GAB4: variants seen among roughly 807,000 people sequenced by gnomAD.
The protein encoded by GAB4 is GRB2 associated binding protein family member 4.
A neutral mutation model predicts 51.3 loss-of-function variants in GAB4; 26 were observed. The ratio of observed to expected loss-of-function variants is 0.51; its 90% CI spans 0.37 to 0.70. The LOEUF (loss-of-function observed/expected upper bound fraction) is 0.70. Ranked by LOEUF, GAB4 falls within the 30% of genes least tolerant of loss-of-function variation. GAB4 has a pLI of 0.00. For synonymous variants in GAB4, 329 were observed against 291.2 expected (o/e 1.13, Z -1.32); for missense variants, 759 against 734.6 (o/e 1.03, Z -0.38).
At chr22:16,966,521 C>T (rs867730134) in intron 5 of GAB4, 157 bp from the exon 6 acceptor site, 65 of 743,772 alleles carry the variant, frequency 8.7e-5, no homozygotes, top group African/African-American at 2.6e-4. Flanking sequence ...CAGCCACCTG[C>T]GGCCCAGATA....
At chr22:16,982,212 T>A (rs999584373) in intron 3 of GAB4, among the ~76,000 whole-genome samples, 2 of 152,098 alleles carry the variant, frequency 1.3e-5, no homozygotes, top group African/African-American at 4.8e-5. Context: ...AGAAAGGGCA[T>A]CCAAATTGAA....
intron 1 of GAB4, among the ~76,000 whole-genome samples, chr22:16,998,575 G>C (rs550687092): frequency 6.6e-6 from 1 of 152,102 alleles, no homozygotes; most frequent in Non-Finnish European, 1.5e-5. Context: ...TAAATATACA[G>C]TTATGTCATC....
At position 17,008,199 on chromosome 22, in the gene GAB4, C is replaced by T. The variant is rs558004690; in HGVS notation, c.-85G>A. Reference sequence around the variant, plus strand: ...GGGGTGTGAGGGACGGCTTGCGATACCCTGGGACTGCGGGGTAGAAAGCGC... The same window carrying T: ...GGGGTGTGAGGGACGGCTTGCGATATCCTGGGACTGCGGGGTAGAAAGCGC... On this transcript the variant is annotated 5_prime_UTR_variant, in exon 1 of 10. Coordinates refer to ENST00000400588, the MANE Select transcript of GAB4 (RefSeq NM_001037814.1). The T allele has an allele frequency of 8.7e-5, 84 of 961,938 alleles. 1 individual carries two copies. In the South Asian group the frequency reaches 1.2e-3, roughly 14 times the overall value. 59.6% of individuals were successfully genotyped at this position (961,938 alleles called of 1,614,324 possible).
chr22:16,983,335 C>T (rs1048894532), intron 3 of GAB4, among the ~76,000 whole-genome samples: 5 of 152,188 alleles, frequency 3.3e-5, no homozygotes, highest in African/African-American at 9.7e-5. Context: ...CACCAGACTT[C>T]ATAGCCCTCA....
At chr22:16,962,975 G>A in intron 9 of GAB4, 99 bp from the exon 10 acceptor site, 1 of 1,194,386 alleles carries the variant, frequency 8.4e-7, no homozygotes, top group Non-Finnish European at 1.2e-6. Flanking sequence ...TTCTCAGGGG[G>A]AAGGAACCTC....
chr22:16,997,888 T>C (rs2060963106), intron 1 of GAB4, among the ~76,000 whole-genome samples: 1 of 152,230 alleles, frequency 6.6e-6, no homozygotes, highest in Admixed American at 6.5e-5. Flanking sequence ...CCCAGCACCA[T>C]TTATTAAATA....
chr22:16,991,203 A>T (rs1033599485), intron 2 of GAB4, among the ~76,000 whole-genome samples: 42 of 152,138 alleles, frequency 2.8e-4, no homozygotes, highest in Non-Finnish European at 5.4e-4. Context: ...ATTCCTGGGT[A>T]ACTCACTTGG....
chr22:16,984,304 C>T (rs550154454), intron 3 of GAB4, among the ~76,000 whole-genome samples: 42 of 152,236 alleles, frequency 2.8e-4, no homozygotes, highest in Non-Finnish European at 4.4e-4. Context: ...ATAACAAATG[C>T]TGATAAGGGC....
At chr22:17,004,386 T>G (rs995871260) in intron 1 of GAB4, among the ~76,000 whole-genome samples, 5 of 152,098 alleles carry the variant, frequency 3.3e-5, no homozygotes, top group African/African-American at 4.8e-5. Flanking sequence ...AAAATAAAAT[T>G]TCAGGCCAAT....
At chr22:16,974,463 G>A (rs1157972427) in intron 3 of GAB4, among the ~76,000 whole-genome samples, 1 of 152,216 alleles carries the variant, frequency 6.6e-6, no homozygotes, top group African/African-American at 2.4e-5. Flanking sequence ...TCAACAAGCA[G>A]TTTGGGAGTA....
chr22:17,007,197 G>A (rs1404839660), intron 1 of GAB4, among the ~76,000 whole-genome samples: 1 of 152,172 alleles, frequency 6.6e-6, no homozygotes, highest in Non-Finnish European at 1.5e-5. Flanking sequence ...TAATCATAGT[G>A]ACTCCTAACA....
In GAB4 at chr22:16,991,862, T is replaced by C; in HGVS notation, c.478+11A>G. On this transcript the variant is annotated intron_variant, in intron 2 of 9. Transcript: ENST00000400588. ...GCCCCTCCTGAGACAGGGCTGTGTG[T>C]GCTCCCATACCTGTGCTTTCCTCCT... The C allele has an allele frequency of 6.2e-7, 1 of 1,601,734 alleles. No individual in the cohort carries two copies. Among genetic ancestry groups the C allele is most frequent in the Non-Finnish European group, 8.5e-7 (1 of 1,172,194 alleles).
intron 3 of GAB4, among the ~76,000 whole-genome samples, chr22:16,978,881 G>A (rs1265653058): frequency 6.6e-6 from 1 of 152,074 alleles, no homozygotes; most frequent in African/African-American, 2.4e-5. Context: ...TTCAACATAC[G>A]AAAATCAATA....
chr22:16,965,082 G>T (rs1601244174), intron 7 of GAB4, 96 bp downstream of exon 7: 3 of 922,520 alleles, frequency 3.3e-6, no homozygotes, highest in East Asian at 5.2e-5. Context: ...ACATCGACAT[G>T]AGCATCCAGT....
chr22:16,974,672 G>T (rs2060761729), intron 3 of GAB4, among the ~76,000 whole-genome samples: 1 of 152,222 alleles, frequency 6.6e-6, no homozygotes, highest in Non-Finnish European at 1.5e-5. Context: ...CTTGGTCACT[G>T]CATTTAAATA....
At position 16,992,114 on chromosome 22, in the gene GAB4, C is replaced by T. The variant is rs752565144; in HGVS notation, c.237G>A (p.Leu79=). ...TGGAGCCATCATTCTTGTAGTATTCCAGAACATCTGGGTCACTGCTAGTCT... is the reference window on the plus strand; with the variant it reads ...TGGAGCCATCATTCTTGTAGTATTCTAGAACATCTGGGTCACTGCTAGTCT... ...RGQTSSDPDV[L]EYYKNDGSKK... Residue 79 remains leucine (L), a synonymous_variant, in exon 2 of 10, where the codon CTG becomes CTA. Coordinates refer to ENST00000400588, the MANE Select transcript of GAB4 (RefSeq NM_001037814.1). 1.9e-6 allele frequency: 3 copies of T among 1,614,148 alleles called. No homozygotes were observed. The highest frequency in any genetic ancestry group is 2.5e-6 in the Non-Finnish European group (3 of 1,180,022).
intron 3 of GAB4, among the ~76,000 whole-genome samples, chr22:16,973,944 G>C (rs1270341871): frequency 2.0e-5 from 3 of 152,326 alleles, no homozygotes; most frequent in Non-Finnish European, 2.9e-5. Context: ...AATTATGCCT[G>C]GCTTATGGTA....
At chr22:16,989,231 T>C (rs1044907064) in intron 2 of GAB4, among the ~76,000 whole-genome samples, 5 of 152,262 alleles carry the variant, frequency 3.3e-5, no homozygotes, top group African/African-American at 1.2e-4. Context: ...AATGAAGGTC[T>C]ACAGGTGTAA....
chr22:16,969,824 G>T, intron 4 of GAB4, 119 bp downstream of exon 4: 2 of 1,247,152 alleles, frequency 1.6e-6, no homozygotes, highest in Non-Finnish European at 2.3e-6. Context: ...TGTCTAACGT[G>T]ACTGTCCTAG....
Sources: gnomAD v4.1 joint callset for allele counts (sites outside exome capture counted in the v4.1 genomes callset) on GRCh38, gnomAD v4.1.1 for gene constraint, MANE v1.5 for transcripts, NCBI Gene and HGNC (gene_info 2026-07-23, HGNC 2026-07-21) for gene names.